NINL: variants seen among roughly 807,000 people sequenced by gnomAD.
NINL encodes ninein-like protein.
Under a neutral mutation model 160.3 loss-of-function variants are expected in NINL, and 153 were observed. The observed-to-expected ratio is 0.95, with a 90% confidence interval of 0.84 to 1.09. NINL has a LOEUF of 1.09. Ranked by LOEUF, NINL falls within the 50% of genes least tolerant of loss-of-function variation. NINL has a pLI of 0.00. For missense variants in NINL, 1,829 were observed against 1,764.0 expected, an observed-to-expected ratio of 1.04 and a Z score of -0.66; for synonymous variants, 800 against 734.8, an observed-to-expected ratio of 1.09 and a Z score of -1.43.
In NINL at chr20:25,500,931, C is replaced by T; in HGVS notation, c.941G>A (p.Ser314Asn). 1 of 1,614,232 alleles carries T rather than the reference C, an allele frequency of 6.2e-7. No individual in the cohort carries two copies. The highest frequency in any genetic ancestry group is 8.5e-7 in the Non-Finnish European group (1 of 1,180,044). ...AGCGAAGCCAGAACCATCGTCAATGCTGGAGAAGAGGCGCAGGCTGGAGCA... is the reference window on the plus strand; with the variant it reads ...AGCGAAGCCAGAACCATCGTCAATGTTGGAGAAGAGGCGCAGGCTGGAGCA... ...SLCSSLRLFS[S>N]IDDGSGFAFP... The change falls in exon 8 of 24, where the codon AGC (serine) becomes AAC (asparagine). Residue 314 changes from serine (S) to asparagine (N), a missense_variant. Ser to Asn is a conservative substitution (Grantham distance 46). Transcript: ENST00000278886.
chr20:25,584,987 G>A (rs918353231), intron 1 of NINL, among the ~76,000 whole-genome samples: 3 of 152,250 alleles, frequency 2.0e-5, no homozygotes, highest in African/African-American at 4.8e-5. Flanking sequence ...TCCGTGGGGG[G>A]CCGCAGCCAC....
intron 3 of NINL, among the ~76,000 whole-genome samples, chr20:25,514,688 G>T (rs1379562611): frequency 6.6e-6 from 1 of 152,216 alleles, no homozygotes; most frequent in Non-Finnish European, 1.5e-5. Context: ...GGTTTCATGG[G>T]CTGGAGATAG....
chr20:25,537,982 C>A (rs1006473809), intron 1 of NINL, among the ~76,000 whole-genome samples: 1 of 152,176 alleles, frequency 6.6e-6, no homozygotes, highest in African/African-American at 2.4e-5. Flanking sequence ...CCCACCCCAG[C>A]GGTATCCACG....
At chr20:25,508,870 C>G (rs1281860241) in intron 5 of NINL, among the ~76,000 whole-genome samples, 2 of 152,250 alleles carry the variant, frequency 1.3e-5, no homozygotes, top group Non-Finnish European at 2.9e-5. Context: ...GCTCCCTACA[C>G]GTCCATCAAT....
At chr20:25,571,754 T>TAA (rs2065056404) in intron 1 of NINL, among the ~76,000 whole-genome samples, 2 of 149,924 alleles carry the variant, frequency 1.3e-5, no homozygotes, top group Admixed American at 1.3e-4. Flanking sequence ...GTAATCCCAG[T>TAA]TACTCAGGAG....
intron 1 of NINL, among the ~76,000 whole-genome samples, chr20:25,530,354 C>T (rs2064435318): frequency 6.6e-6 from 1 of 152,144 alleles, no homozygotes; most frequent in Non-Finnish European, 1.5e-5. Context: ...TGTTCCCTGC[C>T]TCCCTCATTT....
intron 23 of NINL, among the ~76,000 whole-genome samples, chr20:25,455,347 G>A (rs752756146): frequency 7.9e-5 from 12 of 152,220 alleles, no homozygotes; most frequent in Non-Finnish European, 1.3e-4. Context: ...AGAGGGTCAG[G>A]TCTGGGATGC....
Position 25,526,516 on chromosome 20 carries a change from A to G in NINL, c.72T>C (p.Thr24=). ...EVYSSCDTTG[T]GFLDRQELTQ... ...TCAGCTCCTGGCGGTCCAGAAAGCC[A>G]GTCCCCGTGGTGTCGCAGCTGCTGT... Residue 24 remains threonine, a synonymous_variant, in exon 2 of 24, where the codon ACT becomes ACC. Transcript: ENST00000278886. 6.2e-7 allele frequency: 1 copy of G among 1,614,250 alleles called. No individual in the cohort carries two copies.
rs879311776 is a variant in NINL, at chr20:25,572,215, GT to G, written c.-12+13239del. Among the ~76,000 whole-genome samples the G allele has an allele frequency of 1.4e-3, 205 of 141,544 alleles. 1 individual carries two copies. The highest frequency in any genetic ancestry group is 2.6e-3 in the East Asian group (12 of 4,536). The allele number at this position is 141,544 out of a possible 152,430, so 92.9% of individuals were successfully genotyped here. A position where few individuals can be genotyped will look rare whatever the true frequency, so the allele number is the denominator to read the frequency against. ...TTTGCACATTTTGCCATTCTGAGTAGTTTTTTTTTTTTAATGAGACAATTGT... is the reference window on the plus strand; with the variant it reads ...TTTGCACATTTTGCCATTCTGAGTAGTTTTTTTTTTTAATGAGACAATTGT... On this transcript the variant is annotated intron_variant, in intron 1 of 23. Transcript: ENST00000278886.
intron 1 of NINL, among the ~76,000 whole-genome samples, chr20:25,538,757 G>C (rs2064605613): frequency 6.6e-6 from 1 of 151,984 alleles, no homozygotes; most frequent in African/African-American, 2.4e-5. Flanking sequence ...GGGTAGCACA[G>C]AACTGAGGAG....
At chr20:25,461,988 G>A (rs567496839) in intron 20 of NINL, among the ~76,000 whole-genome samples, 16 of 152,174 alleles carry the variant, frequency 1.1e-4, no homozygotes, top group Non-Finnish European at 2.4e-4. Flanking sequence ...TGACTCGGCC[G>A]ATTTCAGTTC....
intron 1 of NINL, among the ~76,000 whole-genome samples, chr20:25,553,972 A>G (rs938420715): frequency 6.6e-6 from 1 of 152,262 alleles, no homozygotes; most frequent in African/African-American, 2.4e-5. Flanking sequence ...GCTGCAAATA[A>G]TAAACATGCA....
In NINL at chr20:25,462,500, C is replaced by A; in HGVS notation, c.3465G>T (p.Arg1155Ser). Reference protein sequence around the residue: ...YKDQLSQLNVRVLQLGQEAST... With the variant: ...YKDQLSQLNVSVLQLGQEAST... ...AAGCCTCCTGTCCCAGTTGAAGAACCCTGACATTGAGCTGGGATAATTGAT... is the reference window on the plus strand; with the variant it reads ...AAGCCTCCTGTCCCAGTTGAAGAACACTGACATTGAGCTGGGATAATTGAT... The change falls in exon 20 of 24, where the codon AGG (arginine) becomes AGT (serine). Residue 1155 changes from arginine (R) to serine (S), a missense_variant. Physicochemically the swap from Arg to Ser is moderately radical, Grantham distance 110 (BLOSUM62 -1). Coordinates refer to ENST00000278886, the MANE Select transcript of NINL (RefSeq NM_025176.6). 2 of 1,614,124 alleles carry A rather than the reference C, an allele frequency of 1.2e-6. No individual in the cohort carries two copies. The highest frequency in any genetic ancestry group is 1.7e-6 in the Non-Finnish European group (2 of 1,180,022).
Position 25,489,339 on chromosome 20 carries a change from CAAAG to C in NINL, c.1597-19_1597-16del. On this transcript the variant is annotated splice_polypyrimidine_tract_variant and intron_variant, in intron 12 of 23. Coordinates refer to ENST00000278886, the MANE Select transcript of NINL (RefSeq NM_025176.6). ...TGTGGCTCCAGCTGAAAGGCAGACACAAAGGAAGTCACGGGTGGGCCTCGGGCCA... is the reference window on the plus strand; with the variant it reads ...TGTGGCTCCAGCTGAAAGGCAGACACGAAGTCACGGGTGGGCCTCGGGCCA... 1 of 1,612,574 alleles carries C rather than the reference CAAAG, an allele frequency of 6.2e-7. No individual in the cohort carries two copies. The highest frequency in any genetic ancestry group is 8.5e-7 in the Non-Finnish European group (1 of 1,179,728).
rs1555864279 is a variant in NINL, at chr20:25,505,343, G to GGC, written c.518-266_518-265insGC. Reference sequence around the variant, plus strand: ...GGTGGGGGAGATGCTGGTTGGGGGGGGGTCACTTTCAGTTACAAGATGAGT... The same window carrying GGC: ...GGTGGGGGAGATGCTGGTTGGGGGGGGCGGTCACTTTCAGTTACAAGATGAGT... On this transcript the variant is annotated intron_variant, in intron 5 of 23. Transcript: ENST00000278886. Among the ~76,000 whole-genome samples, 3 of 148,760 alleles carry GGC rather than the reference G, an allele frequency of 2.0e-5. No individual in the cohort carries two copies. In the South Asian group the frequency reaches 6.6e-4, roughly 33 times the overall value.
At chr20:25,492,192 C>T (rs1568906345) in intron 10 of NINL, among the ~76,000 whole-genome samples, 2 of 152,018 alleles carry the variant, frequency 1.3e-5, no homozygotes, top group African/African-American at 2.4e-5. Context: ...CCCCAGAGCC[C>T]GGGCTTTTAA....
intron 1 of NINL, among the ~76,000 whole-genome samples, chr20:25,549,222 C>A (rs1173270783): frequency 7.0e-6 from 1 of 142,728 alleles, no homozygotes; most frequent in South Asian, 2.4e-4. Flanking sequence ...CCGGCACCCA[C>A]GGCCAAACCT....
intron 1 of NINL, among the ~76,000 whole-genome samples, chr20:25,563,843 T>A (rs913706434): frequency 3.9e-5 from 6 of 152,224 alleles, no homozygotes; most frequent in African/African-American, 1.4e-4. Context: ...ATCCTAAATG[T>A]ATACTTGTCC....
chr20:25,496,008 G>T (rs1161816622), intron 10 of NINL, among the ~76,000 whole-genome samples: 1 of 152,264 alleles, frequency 6.6e-6, no homozygotes, highest in South Asian at 2.1e-4. Context: ...GCTGGGTGTG[G>T]TGGCAGGCGC....
Sources: allele counts gnomAD v4.1 joint callset (sites outside exome capture counted in the v4.1 genomes callset), GRCh38; gene constraint gnomAD v4.1.1; transcripts MANE v1.5; gene names NCBI Gene and HGNC (gene_info 2026-07-23, HGNC 2026-07-21).